The following CEP95 variants were observed in gnomAD, a reference collection of about 807,000 sequenced individuals.
The protein encoded by CEP95 is centrosomal protein 95.
A neutral mutation model predicts 111.2 loss-of-function variants in CEP95; 98 were observed. That is an observed-to-expected ratio of 0.88 (90% CI 0.75 to 1.04). The LOEUF (loss-of-function observed/expected upper bound fraction) is 1.04. CEP95 is among the 50% of genes least tolerant of loss of function. The pLI, the probability that CEP95 is intolerant of heterozygous loss-of-function variation, is 0.00. For synonymous variants in CEP95, 323 were observed against 327.1 expected (o/e 0.99, Z 0.14); for missense variants, 1,027 against 977.2 (o/e 1.05, Z -0.68).
chr17:64,516,686 G>C lies in CEP95; in HGVS notation c.368-37G>C, dbSNP rs781873007. The C allele has an allele frequency of 2.6e-5, 33 of 1,276,506 alleles. No individual in the cohort carries two copies. In the African/African-American group the frequency reaches 3.7e-4, roughly 14 times the overall value. 79.1% of individuals were successfully genotyped at this position (1,276,506 alleles called of 1,614,324 possible). A position where few individuals can be genotyped will look rare whatever the true frequency, so the allele number is the denominator to read the frequency against. The stretch of plus-strand genomic sequence containing the variant: ...ACATAGAAAAAGTAGTATTCACTTA[G>C]GGGTTTTTTGGTATTGTTTTTATCT... On this transcript the variant is annotated intron_variant, in intron 4 of 19. Coordinates refer to ENST00000556440, the MANE Select transcript of CEP95 (RefSeq NM_138363.3).
At position 64,531,995 on chromosome 17, in the gene CEP95, C is replaced by A; in HGVS notation, c.1645C>A (p.Leu549Ile). Residue 549 changes from leucine to isoleucine, a missense_variant, in exon 14 of 20, where the codon CTC becomes ATC. By Grantham distance (5) the Leu-to-Ile change is conservative. Coordinates refer to ENST00000556440, the MANE Select transcript of CEP95 (RefSeq NM_138363.3). ...KTTTQSLRGG[L>I]PKPNKAVPMK... Reference sequence around the variant, plus strand: ...CACAACGCAGAGTCTAAGAGGTGGCCTCCCAAAGCCAAATAAAGCAGTTCC... The same window carrying A: ...CACAACGCAGAGTCTAAGAGGTGGCATCCCAAAGCCAAATAAAGCAGTTCC... The A allele has an allele frequency of 6.3e-7, 1 of 1,591,260 alleles. No individual in the cohort carries two copies. The highest frequency in any genetic ancestry group is 1.2e-5 in the South Asian group (1 of 86,618).
intron 3 of CEP95, among the ~76,000 whole-genome samples, chr17:64,513,236 G>A (rs1242530302): frequency 6.6e-6 from 1 of 152,140 alleles, no homozygotes; most frequent in African/African-American, 2.4e-5. Flanking sequence ...TCATGGCTGA[G>A]GTTACGAATG....
intron 11 of CEP95, among the ~76,000 whole-genome samples, chr17:64,528,450 G>T (rs1555679607): frequency 6.6e-6 from 1 of 151,996 alleles, no homozygotes; most frequent in Non-Finnish European, 1.5e-5. Context: ...GTATCCTATT[G>T]TGAAAACAGG....
At chr17:64,527,562 TC>T (rs1967915590) in intron 11 of CEP95, among the ~76,000 whole-genome samples, 1 of 152,190 alleles carries the variant, frequency 6.6e-6, no homozygotes, top group African/African-American at 2.4e-5. Flanking sequence ...CATCTTTTCT[TC>T]TGATCCTTGT....
chr17:64,519,579 AT>A, intron 6 of CEP95, 143 bp downstream of exon 6: 1 of 607,626 alleles, frequency 1.6e-6, no homozygotes, highest in South Asian at 2.2e-5. Context: ...CCCACTACCC[AT>A]TAAATATGAA....
chr17:64,513,360 G>C (rs2038986578), intron 3 of CEP95, among the ~76,000 whole-genome samples: 1 of 152,192 alleles, frequency 6.6e-6, no homozygotes, highest in African/African-American at 2.4e-5. Context: ...CAAGGGTTAA[G>C]TACTATCTAT....
chr17:64,534,325 G>C, intron 16 of CEP95: 1 of 364,044 alleles, frequency 2.7e-6, no homozygotes, highest in Non-Finnish European at 5.0e-6. Flanking sequence ...GCTTCCTGGT[G>C]GCATGGGGAG....
At chr17:64,514,463 T>C (rs2039042258) in intron 4 of CEP95, 105 bp downstream of exon 4, 4 of 653,858 alleles carry the variant, frequency 6.1e-6, no homozygotes, top group East Asian at 2.8e-5. Context: ...GATTCACTAA[T>C]ACAGTATACC....
chr17:64,516,809 A>G lies in CEP95; in HGVS notation c.454A>G (p.Lys152Glu), dbSNP rs1555676406. 1 of 1,605,520 alleles carries G rather than the reference A, an allele frequency of 6.2e-7. No individual in the cohort carries two copies. The highest frequency in any genetic ancestry group is 1.1e-5 in the South Asian group (1 of 90,706). The change falls in exon 5 of 20, where the codon AAA becomes GAA. Residue 152 changes from lysine to glutamate, a missense_variant. Transcript: ENST00000556440. ...ESTKESKSSW[K>E]RVSFGRCSLS... is the part of the protein sequence containing the mutation. Reference sequence around the variant, plus strand: ...TACTAAAGAATCTAAATCATCATGGAAAAGAGTTTCTTTTGGGAGGTAGCA... The same window carrying G: ...TACTAAAGAATCTAAATCATCATGGGAAAGAGTTTCTTTTGGGAGGTAGCA...
intron 16 of CEP95, chr17:64,534,375 G>A: frequency 1.9e-6 from 1 of 513,756 alleles, no homozygotes. Flanking sequence ...GATCACTGCT[G>A]CCCTCTGCTG....
Position 64,508,673 on chromosome 17 carries a change from A to C in CEP95, c.101A>C (p.Asn34Thr). The stretch of plus-strand genomic sequence containing the variant: ...CATGAACTTCAAGACTGTGATGCTA[A>C]TGTTTTTATTGCTCTTTATCAGTCT... The part of the protein sequence containing the change: ...RIHELQDCDA[N>T]VFIALYQSIL... Residue 34 changes from asparagine to threonine, a missense_variant, in exon 2 of 20, where the codon AAT (asparagine) becomes ACT (threonine). By Grantham distance (65) the Asn-to-Thr change is moderately conservative. Coordinates refer to ENST00000556440, the MANE Select transcript of CEP95 (RefSeq NM_138363.3). 1 of 1,460,650 alleles carries C rather than the reference A, an allele frequency of 6.8e-7. No individual in the cohort carries two copies. The highest frequency in any genetic ancestry group is 9.1e-7 in the Non-Finnish European group (1 of 1,097,534). The allele number at this position is 1,460,650 out of a possible 1,614,324, so 90.5% of individuals were successfully genotyped here. A position where few individuals can be genotyped will look rare whatever the true frequency, so the allele number is the denominator to read the frequency against.
intron 8 of CEP95, among the ~76,000 whole-genome samples, chr17:64,523,920 C>A (rs1967577220): frequency 6.6e-6 from 1 of 152,146 alleles, no homozygotes; most frequent in South Asian, 2.1e-4. Flanking sequence ...ATAAGAAAAA[C>A]AACAGGCAGG....
At chr17:64,508,237 G>T (rs571261948) in intron 1 of CEP95, 1 of 979,984 alleles carries the variant, frequency 1.0e-6, no homozygotes, top group South Asian at 4.7e-5. Context: ...TTAAACTGTT[G>T]TTTATGACAT....
Position 64,529,283 on chromosome 17 carries a change from T to C in CEP95, c.1307-5T>C. The C allele has an allele frequency of 1.2e-6, 2 of 1,609,476 alleles. No individual in the cohort carries two copies. The highest frequency in any genetic ancestry group is 1.7e-6 in the Non-Finnish European group (2 of 1,178,372). ...CTAATGTTATATGTCTTTTCTCTGT[T>C]GCAGGACTTTCCATGCGTAGAAAGC... On this transcript the variant is annotated splice_region_variant and splice_polypyrimidine_tract_variant and intron_variant, in intron 11 of 19. Transcript: ENST00000556440.
At position 64,536,625 on chromosome 17, in the gene CEP95, A is replaced by G; in HGVS notation, c.2094A>G (p.Glu698=). ...AGATATTTAAGAAACTGTTTGAAGA[A>G]GGTTTAAACATTCAAAAGCAAAGAT... ...EEMIFKKLFE[E]GLNIQKQRLR... is the part of the protein sequence containing the mutation. Residue 698 remains glutamate, a synonymous_variant, in exon 18 of 20, where the codon GAA becomes GAG. Transcript: ENST00000556440. The G allele has an allele frequency of 1.9e-6, 3 of 1,594,420 alleles. No homozygotes were observed. The highest frequency in any genetic ancestry group is 2.6e-6 in the Non-Finnish European group (3 of 1,173,464).
At chr17:64,529,678 A>C (rs1555679903) in intron 12 of CEP95, among the ~76,000 whole-genome samples, 1 of 152,256 alleles carries the variant, frequency 6.6e-6, no homozygotes, top group Non-Finnish European at 1.5e-5. Flanking sequence ...AGAGGAGATC[A>C]GTGTGAGTTG....
intron 8 of CEP95, among the ~76,000 whole-genome samples, chr17:64,524,358 G>T (rs768965808): frequency 6.6e-6 from 1 of 152,074 alleles, no homozygotes; most frequent in Non-Finnish European, 1.5e-5. Flanking sequence ...GCCCAGGCTG[G>T]AGTGTAGTGG....
At position 64,531,983 on chromosome 17, in the gene CEP95, C is replaced by CT. The variant is rs782023044; in HGVS notation, c.1634dup (p.Arg546LysfsTer9). ...CTCTAGAAAAACCACAACGCAGAGT[C>CT]TAAGAGGTGGCCTCCCAAAGCCAAA... On this transcript the variant is annotated frameshift_variant, in exon 14 of 20. Transcript: ENST00000556440. LOFTEE classifies it high-confidence loss of function. The CT allele has an allele frequency of 7.5e-6, 12 of 1,602,942 alleles. No individual in the cohort carries two copies. Among genetic ancestry groups the CT allele is most frequent in the Admixed American group, 7.1e-5 (4 of 56,220 alleles).
intron 13 of CEP95, among the ~76,000 whole-genome samples, chr17:64,531,327 T>C (rs1439064430): frequency 6.6e-6 from 1 of 152,110 alleles, no homozygotes; most frequent in Non-Finnish European, 1.5e-5. Context: ...GCTGACAAAA[T>C]TAAAGAAGAG....
Sources: gnomAD v4.1 joint callset for allele counts (sites outside exome capture counted in the v4.1 genomes callset) on GRCh38, gnomAD v4.1.1 for gene constraint, MANE v1.5 for transcripts, NCBI Gene and HGNC (gene_info 2026-07-23, HGNC 2026-07-21) for gene names.